RAP1A: variants seen among roughly 807,000 people sequenced by gnomAD.
RAP1A encodes ras-related protein Rap-1A.
RAP1A carries 6 observed loss-of-function variants against 26.4 expected under a neutral mutation model. That is an observed-to-expected ratio of 0.23 (90% CI 0.12 to 0.45). The LOEUF is 0.45. RAP1A is among the 20% of genes least tolerant of loss of function. RAP1A has a pLI of 0.99. For synonymous variants in RAP1A, 73 were observed against 79.4 expected (o/e 0.92, Z 0.43); for missense variants, 121 against 217.2 (o/e 0.56, Z 2.78).
chr1:111,674,642 C>T (rs1661070292), intron 1 of RAP1A, among the ~76,000 whole-genome samples: 1 of 152,184 alleles, frequency 6.6e-6, no homozygotes, highest in African/African-American at 2.4e-5. Context: ...TCTTTTTAAA[C>T]CTCCTTTTGT....
intron 1 of RAP1A, among the ~76,000 whole-genome samples, chr1:111,660,693 A>T (rs1437007522): frequency 3.9e-5 from 6 of 152,196 alleles, no homozygotes; most frequent in Non-Finnish European, 8.8e-5. Context: ...CCTCTGCTCA[A>T]AACTGTCCAG....
intron 1 of RAP1A, among the ~76,000 whole-genome samples, chr1:111,669,778 G>A (rs1328709718): frequency 2.0e-5 from 3 of 152,138 alleles, no homozygotes; most frequent in Admixed American, 1.3e-4. Context: ...TTCCAAAACT[G>A]CAAAAAGATA....
chr1:111,619,225 G>T (rs892017286), upstream of RAP1A, among the ~76,000 whole-genome samples: 2 of 152,226 alleles, frequency 1.3e-5, no homozygotes, highest in Non-Finnish European at 2.9e-5. Flanking sequence ...GTGTTTGCAA[G>T]ACTTATTCCT....
At chr1:111,691,186 G>A in intron 1 of RAP1A, 148 bp from the exon 2 acceptor site, 1 of 423,980 alleles carries the variant, frequency 2.4e-6, no homozygotes, top group Non-Finnish European at 4.2e-6. Context: ...GTTAAAATCT[G>A]TATGGATTTT....
chr1:111,703,307 T>A, intron 4 of RAP1A, 29 bp from the exon 5 acceptor site: 1 of 1,421,056 alleles, frequency 7.0e-7, no homozygotes, highest in Non-Finnish European at 9.5e-7. Flanking sequence ...AATTTATATA[T>A]TTATAATTGC....
chr1:111,606,683 C>T (rs1459715646), intron 1 of RAP1A, among the ~76,000 whole-genome samples: 3 of 152,160 alleles, frequency 2.0e-5, no homozygotes, highest in South Asian at 2.1e-4. Context: ...CAGCAAGTCA[C>T]GGTGTTGTTA....
chr1:111,593,145 C>T (rs1014525250), intron 1 of RAP1A, among the ~76,000 whole-genome samples: 8 of 152,150 alleles, frequency 5.3e-5, no homozygotes, highest in Non-Finnish European at 8.8e-5. Context: ...TGGCTTGTCA[C>T]ACCCTGGCTG....
At chr1:111,649,055 G>A in intron 1 of RAP1A, 1 of 617,084 alleles carries the variant, frequency 1.6e-6, no homozygotes, top group Non-Finnish European at 3.1e-6. Flanking sequence ...CCACAGACTG[G>A]CACATGGCCA....
intron 1 of RAP1A, among the ~76,000 whole-genome samples, chr1:111,606,465 C>T: frequency 6.6e-6 from 1 of 152,216 alleles, no homozygotes; most frequent in East Asian, 1.9e-4. Flanking sequence ...ACCTGGCAAA[C>T]AGCTTCCAGT....
chr1:111,690,399 C>T (rs1661632667), intron 1 of RAP1A, among the ~76,000 whole-genome samples: 1 of 152,206 alleles, frequency 6.6e-6, no homozygotes, highest in African/African-American at 2.4e-5. Flanking sequence ...AATCCTTCTG[C>T]AGATTTCTGG....
At chr1:111,705,517 T>G (rs758776633) in intron 6 of RAP1A, among the ~76,000 whole-genome samples, 3 of 152,218 alleles carry the variant, frequency 2.0e-5, no homozygotes, top group Non-Finnish European at 4.4e-5. Context: ...CTTCTGTATT[T>G]TACAGATAAT....
chr1:111,578,283 GT>G (rs1482769817), intron 1 of RAP1A, among the ~76,000 whole-genome samples: 1 of 152,056 alleles, frequency 6.6e-6, no homozygotes, highest in African/African-American at 2.4e-5. Flanking sequence ...GAGGTTTGAA[GT>G]TGCCAGAGGA....
intron 1 of RAP1A, among the ~76,000 whole-genome samples, chr1:111,672,525 G>A (rs1478773790): frequency 3.9e-5 from 6 of 151,972 alleles, no homozygotes; most frequent in African/African-American, 1.5e-4. Flanking sequence ...TCACAGATGT[G>A]GGAAGACAGA....
intron 1 of RAP1A, among the ~76,000 whole-genome samples, chr1:111,688,578 C>T (rs995064295): frequency 3.3e-5 from 5 of 151,820 alleles, no homozygotes; most frequent in East Asian, 1.9e-4. Context: ...CCTTGGCCTC[C>T]GAAAGTGCTG....
At chr1:111,650,141 T>C (rs1660219813) in intron 1 of RAP1A, among the ~76,000 whole-genome samples, 1 of 148,818 alleles carries the variant, frequency 6.7e-6, no homozygotes, top group Admixed American at 6.7e-5. Flanking sequence ...TTTGTCTCAT[T>C]TGATCTTCAC....
At chr1:111,705,891 C>T (rs898828028) in intron 6 of RAP1A, among the ~76,000 whole-genome samples, 1 of 152,154 alleles carries the variant, frequency 6.6e-6, no homozygotes, top group African/African-American at 2.4e-5. Context: ...CTCCATGGGA[C>T]CCACCAACCA....
intron 1 of RAP1A, among the ~76,000 whole-genome samples, chr1:111,679,852 C>T (rs1050471660): frequency 6.6e-6 from 1 of 152,218 alleles, no homozygotes; most frequent in Non-Finnish European, 1.5e-5. Flanking sequence ...TTATTCCTCT[C>T]TGGGCAGGGC....
chr1:111,686,936 A>G (rs1448899726), intron 1 of RAP1A, among the ~76,000 whole-genome samples: 1 of 152,042 alleles, frequency 6.6e-6, no homozygotes, highest in South Asian at 2.1e-4. Flanking sequence ...ACACAGCAGT[A>G]ATATTAGCAG....
At chr1:111,638,357 G>A (rs1659786287) in intron 1 of RAP1A, among the ~76,000 whole-genome samples, 1 of 152,096 alleles carries the variant, frequency 6.6e-6, no homozygotes, top group African/African-American at 2.4e-5. Context: ...ATTCCCATTT[G>A]TAATAGAATT....
Sources: allele counts gnomAD v4.1 joint callset (sites outside exome capture counted in the v4.1 genomes callset), GRCh38; gene constraint gnomAD v4.1.1; transcripts MANE v1.5; gene names NCBI Gene and HGNC (gene_info 2026-07-23, HGNC 2026-07-21).